The following PCCA variants were observed in gnomAD, a reference collection of about 807,000 sequenced individuals.
PCCA encodes propionyl-CoA carboxylase subunit alpha.
Under a neutral mutation model 101.3 loss-of-function variants are expected in PCCA, and 74 were observed. The observed-to-expected ratio is 0.73, with a 90% CI of 0.61 to 0.89. The LOEUF (loss-of-function observed/expected upper bound fraction) is 0.89. Among genes scored for constraint, PCCA ranks in the 40% least tolerant of loss-of-function variants. The probability of loss-of-function intolerance (pLI) is 0.00; values close to 1 mark genes in which losing one functional copy is unlikely to be tolerated. For missense variants in PCCA, 891 were observed against 907.0 expected, an observed-to-expected ratio of 0.98 and a Z score of 0.23; for synonymous variants, 294 against 313.6, an observed-to-expected ratio of 0.94 and a Z score of 0.66.
intron 8 of PCCA, among the ~76,000 whole-genome samples, chr13:100,248,527 T>C (rs1274889903): frequency 6.6e-6 from 1 of 152,180 alleles, no homozygotes; most frequent in Non-Finnish European, 1.5e-5. Context: ...TAGTTTCAGT[T>C]TGCAGTTCCC....
At chr13:100,226,000 C>T (rs1345106397) in intron 7 of PCCA, among the ~76,000 whole-genome samples, 3 of 152,084 alleles carry the variant, frequency 2.0e-5, no homozygotes, top group Admixed American at 2.0e-4. Flanking sequence ...CCATGTTGCC[C>T]AGGCTTGTCT....
At chr13:100,447,697 C>T (rs2080938671) in intron 20 of PCCA, among the ~76,000 whole-genome samples, 1 of 151,804 alleles carries the variant, frequency 6.6e-6, no homozygotes, top group Non-Finnish European at 1.5e-5. Flanking sequence ...AAAGAAGTGA[C>T]ATGGGTCAAA....
At chr13:100,452,107 C>A (rs1176698555) in intron 21 of PCCA, among the ~76,000 whole-genome samples, 1 of 127,574 alleles carries the variant, frequency 7.8e-6, no homozygotes, top group African/African-American at 3.0e-5. Context: ...CTCTTCCTTT[C>A]TCTCTCTCCT....
chr13:100,315,590 G>A (rs2067273155), intron 16 of PCCA, among the ~76,000 whole-genome samples: 1 of 152,152 alleles, frequency 6.6e-6, no homozygotes, highest in Admixed American at 6.6e-5. Flanking sequence ...ATGTAATTCG[G>A]TTAAAATGAA....
At chr13:100,134,195 T>G (rs2050866446) in intron 4 of PCCA, among the ~76,000 whole-genome samples, 1 of 152,164 alleles carries the variant, frequency 6.6e-6, no homozygotes, top group South Asian at 2.1e-4. Flanking sequence ...ACAATTACTT[T>G]TGCACCTCTG....
At chr13:100,173,287 C>T (rs1328427360) in intron 6 of PCCA, among the ~76,000 whole-genome samples, 1 of 152,170 alleles carries the variant, frequency 6.6e-6, no homozygotes, top group Non-Finnish European at 1.5e-5. Context: ...GCCATGTCAG[C>T]AACCAAGTCT....
At chr13:100,266,833 T>C (rs2062970081) in intron 10 of PCCA, among the ~76,000 whole-genome samples, 1 of 152,234 alleles carries the variant, frequency 6.6e-6, no homozygotes, top group Non-Finnish European at 1.5e-5. Context: ...TGACATTGTC[T>C]ATTATAATAA....
chr13:100,227,500 T>C (rs1367318546), intron 7 of PCCA, among the ~76,000 whole-genome samples: 1 of 152,202 alleles, frequency 6.6e-6, no homozygotes, highest in Non-Finnish European at 1.5e-5. Context: ...ATTCTTGGGT[T>C]GGGTGATAGA....
rs373976139 is a variant in PCCA, at chr13:100,370,240, A to G, written c.1746+1666A>G. 2.5e-4 allele frequency among the ~76,000 whole-genome samples: 38 copies of G among 151,854 alleles called. No homozygotes were observed. The East Asian group carries it at 4.5e-3, about 18-fold the overall frequency. On this transcript the variant is annotated intron_variant, in intron 19 of 23. Coordinates refer to ENST00000376285, the MANE Select transcript of PCCA (RefSeq NM_000282.4). ...GCTGGGACTACAGGTGCATGCCACC[A>G]CACCCAACTAATTTTTGTATTTTTA...
At chr13:100,262,190 C>G (rs1386449096) in intron 9 of PCCA, among the ~76,000 whole-genome samples, 2 of 152,000 alleles carry the variant, frequency 1.3e-5, no homozygotes, top group East Asian at 3.9e-4. Flanking sequence ...GTCAGGAGTT[C>G]AAGACCATCC....
At chr13:100,339,275 T>G (rs900396723) in intron 17 of PCCA, among the ~76,000 whole-genome samples, 2 of 152,192 alleles carry the variant, frequency 1.3e-5, no homozygotes, top group Non-Finnish European at 2.9e-5. Flanking sequence ...TTCTCAAATA[T>G]TTTCAACCTG....
At chr13:100,120,100 T>A (rs1259223884) in intron 4 of PCCA, among the ~76,000 whole-genome samples, 1 of 151,680 alleles carries the variant, frequency 6.6e-6, no homozygotes, top group East Asian at 1.9e-4. Flanking sequence ...TGACCTCAAG[T>A]GATCCACCCG....
chr13:100,471,415 A>C (rs2083000768), intron 21 of PCCA, among the ~76,000 whole-genome samples: 1 of 152,250 alleles, frequency 6.6e-6, no homozygotes, highest in Non-Finnish European at 1.5e-5. Context: ...AAAATGAGAC[A>C]CACAGATGTG....
intron 8 of PCCA, among the ~76,000 whole-genome samples, chr13:100,246,378 C>T (rs1447105462): frequency 3.3e-5 from 5 of 152,106 alleles, no homozygotes; most frequent in African/African-American, 1.2e-4. Context: ...GGTGTGATCA[C>T]GGCTCACTGT....
intron 18 of PCCA, among the ~76,000 whole-genome samples, chr13:100,345,598 C>T (rs1033596417): frequency 3.3e-5 from 5 of 152,200 alleles, no homozygotes; most frequent in Admixed American, 2.0e-4. Context: ...TAGAAGCTTG[C>T]AGCAAGTTAT....
intron 7 of PCCA, among the ~76,000 whole-genome samples, chr13:100,234,913 ACC>A (rs1319139171): frequency 0.011 from 1,633 of 149,978 alleles, 27 homozygotes; most frequent in African/African-American, 0.035. Context: ...ACACACACAC[ACC>A]CCACACATAC....
intron 7 of PCCA, among the ~76,000 whole-genome samples, chr13:100,213,477 A>G (rs950885377): frequency 6.6e-6 from 1 of 152,176 alleles, no homozygotes; most frequent in South Asian, 2.1e-4. Context: ...TTCTCTGATG[A>G]TCAGTGATGT....
At chr13:100,269,428 G>C (rs1190431260) in intron 11 of PCCA, among the ~76,000 whole-genome samples, 1 of 152,136 alleles carries the variant, frequency 6.6e-6, no homozygotes, top group Non-Finnish European at 1.5e-5. Flanking sequence ...TTTCATGTTG[G>C]TGAAGGGTTC....
At chr13:100,399,717 T>A (rs2077225780) in intron 19 of PCCA, among the ~76,000 whole-genome samples, 1 of 152,226 alleles carries the variant, frequency 6.6e-6, no homozygotes, top group African/African-American at 2.4e-5. Flanking sequence ...GCATCTTGAA[T>A]TACTTTTGTG....
Sources: gnomAD v4.1 joint callset for allele counts (sites outside exome capture counted in the v4.1 genomes callset) on GRCh38, gnomAD v4.1.1 for gene constraint, MANE v1.5 for transcripts, NCBI Gene and HGNC (gene_info 2026-07-23, HGNC 2026-07-21) for gene names.